LIN52: variants seen among roughly 807,000 people sequenced by gnomAD.
The protein encoded by LIN52 is lin-52 DREAM MuvB core complex component, also known as protein lin-52 homolog.
Under a neutral mutation model 18.5 loss-of-function variants are expected in LIN52, and 4 were observed. The observed-to-expected ratio is 0.22, with a 90% CI of 0.11 to 0.49. The LOEUF (loss-of-function observed/expected upper bound fraction) is 0.49. Among genes scored for constraint, LIN52 ranks in the 20% least tolerant of loss-of-function variants. The pLI is 0.97. For missense variants in LIN52, 102 were observed against 139.5 expected, an observed-to-expected ratio of 0.73 and a Z score of 1.35; for synonymous variants, 34 against 45.5, an observed-to-expected ratio of 0.75 and a Z score of 1.02.
chr14:74,198,807 G>A, intron 5 of LIN52, 115 bp from the exon 6 acceptor site: 4 of 773,180 alleles, frequency 5.2e-6, no homozygotes, highest in Middle Eastern at 2.7e-4. Flanking sequence ...AATCTGTTGT[G>A]ATAGCAACTT....
intron 5 of LIN52, among the ~76,000 whole-genome samples, chr14:74,133,339 C>G (rs1029093388): frequency 3.3e-5 from 5 of 152,154 alleles, no homozygotes; most frequent in Non-Finnish European, 7.3e-5. Flanking sequence ...TTGTTAAAAG[C>G]CTTCTAGAAT....
intron 5 of LIN52, among the ~76,000 whole-genome samples, chr14:74,164,536 T>G (rs997549851): frequency 6.6e-6 from 1 of 152,146 alleles, no homozygotes; most frequent in African/African-American, 2.4e-5. Context: ...TCCGCCTGCT[T>G]CGGGCTCCCA....
intron 5 of LIN52, among the ~76,000 whole-genome samples, chr14:74,195,129 A>G (rs1354803820): frequency 6.6e-6 from 1 of 152,188 alleles, no homozygotes; most frequent in Non-Finnish European, 1.5e-5. Flanking sequence ...CTGGGCAACA[A>G]GAGCGAGACT....
At chr14:74,089,925 G>A (rs1438555286) in intron 1 of LIN52, among the ~76,000 whole-genome samples, 3 of 152,136 alleles carry the variant, frequency 2.0e-5, no homozygotes, top group Non-Finnish European at 4.4e-5. Context: ...TAGGAGTCAG[G>A]GCGAGCACTT....
At chr14:74,149,077 G>T (rs1168311599) in intron 5 of LIN52, among the ~76,000 whole-genome samples, 1 of 152,178 alleles carries the variant, frequency 6.6e-6, no homozygotes, top group Non-Finnish European at 1.5e-5. Context: ...GTGACAGGCG[G>T]TGATGATTTC....
intron 5 of LIN52, among the ~76,000 whole-genome samples, chr14:74,135,975 T>A (rs1038083255): frequency 6.6e-6 from 1 of 152,240 alleles, no homozygotes; most frequent in Non-Finnish European, 1.5e-5. Flanking sequence ...ACTATTGAGA[T>A]AGTTTTCTCC....
chr14:74,164,459 A>AT (rs1226663860), intron 5 of LIN52, among the ~76,000 whole-genome samples: 1 of 149,424 alleles, frequency 6.7e-6, no homozygotes, highest in Non-Finnish European at 1.5e-5. Flanking sequence ...TAATTTTTAT[A>AT]TTTTTTGGTA....
At chr14:74,098,788 T>C (rs1378970440) in intron 4 of LIN52, among the ~76,000 whole-genome samples, 2 of 152,104 alleles carry the variant, frequency 1.3e-5, no homozygotes, top group African/African-American at 4.8e-5. Context: ...CCTCCAGTGA[T>C]CCACCCACCT....
intron 5 of LIN52, among the ~76,000 whole-genome samples, chr14:74,164,402 A>G (rs1206840272): frequency 6.6e-6 from 1 of 151,626 alleles, no homozygotes; most frequent in African/African-American, 2.4e-5. Context: ...CTCCCATCTC[A>G]GCCTCCTGAG....
At chr14:74,123,114 G>T (rs2061009113) in intron 5 of LIN52, among the ~76,000 whole-genome samples, 1 of 152,176 alleles carries the variant, frequency 6.6e-6, no homozygotes, top group Admixed American at 6.5e-5. Context: ...CAGCATATGA[G>T]AAATTTTAAG....
At chr14:74,095,149 GTTTTTTTTTTT>G (rs35455851) in intron 2 of LIN52, among the ~76,000 whole-genome samples, 4 of 103,734 alleles carry the variant, frequency 3.9e-5, no homozygotes, top group Non-Finnish European at 7.5e-5. Flanking sequence ...CCAACTAACT[GTTTTTTTTTTT>G]TTTTTTTTTG....
At chr14:74,179,655 CAAAAAAAA>C (rs66652238) in intron 5 of LIN52, among the ~76,000 whole-genome samples, 1 of 120,402 alleles carries the variant, frequency 8.3e-6, no homozygotes. Context: ...GACTCCATCT[CAAAAAAAA>C]AAAAAAGAAA....
chr14:74,112,455 A>G (rs767372383), intron 5 of LIN52, among the ~76,000 whole-genome samples: 16 of 152,010 alleles, frequency 1.1e-4, no homozygotes, highest in Non-Finnish European at 2.1e-4. Context: ...TGGTTAATTC[A>G]ATAGTTTTTA....
chr14:74,137,493 G>GCTCT (rs778315773), intron 5 of LIN52, among the ~76,000 whole-genome samples: 2 of 89,478 alleles, frequency 2.2e-5, no homozygotes, highest in South Asian at 5.2e-4. Flanking sequence ...CTTCACAGCA[G>GCTCT]CTCTCTTTTT....
At chr14:74,179,709 T>G (rs903789062) in intron 5 of LIN52, among the ~76,000 whole-genome samples, 2 of 151,918 alleles carry the variant, frequency 1.3e-5, no homozygotes, top group Admixed American at 6.6e-5. Context: ...CGGCTAAATG[T>G]TCTCATTTTT....
Position 74,199,140 on chromosome 14 carries a change from C to G in LIN52, c.*163C>G. Reference sequence around the variant, plus strand: ...GGCACTCTACACGTCTGAGGACATTCAGCAGCAAGAGAAGAATCTGCTCTA... The same window carrying G: ...GGCACTCTACACGTCTGAGGACATTGAGCAGCAAGAGAAGAATCTGCTCTA... On this transcript the variant is annotated 3_prime_UTR_variant, in exon 6 of 6. Coordinates refer to ENST00000555028, the MANE Select transcript of LIN52 (RefSeq NM_001024674.3). 1 of 546,874 alleles carries G rather than the reference C, an allele frequency of 1.8e-6. No individual in the cohort carries two copies. Among genetic ancestry groups the G allele is most frequent in the South Asian group, 2.7e-5 (1 of 37,596 alleles). The allele number at this position is 546,874 out of a possible 1,614,324, so 33.9% of individuals were successfully genotyped here. A position where few individuals can be genotyped will look rare whatever the true frequency, so the allele number is the denominator to read the frequency against.
At chr14:74,147,473 C>A (rs1403818634) in intron 5 of LIN52, among the ~76,000 whole-genome samples, 1 of 152,102 alleles carries the variant, frequency 6.6e-6, no homozygotes, top group Non-Finnish European at 1.5e-5. Context: ...CACTTCTGTG[C>A]TTCAAAGACA....
At chr14:74,090,638 G>T (rs1162341812) in intron 1 of LIN52, among the ~76,000 whole-genome samples, 1 of 151,242 alleles carries the variant, frequency 6.6e-6, no homozygotes, top group African/African-American at 2.4e-5. Flanking sequence ...TCCGGCTGGG[G>T]TTTTTTTTTG....
chr14:74,096,043 C>G (rs999818770), intron 3 of LIN52, 58 bp downstream of exon 3: 32 of 1,132,262 alleles, frequency 2.8e-5, no homozygotes, highest in African/African-American at 4.8e-5. Context: ...TGAGTAAAAG[C>G]TCAGATCTCT....
Sources: gnomAD v4.1 joint callset for allele counts (sites outside exome capture counted in the v4.1 genomes callset) on GRCh38, gnomAD v4.1.1 for gene constraint, MANE v1.5 for transcripts, NCBI Gene and HGNC (gene_info 2026-07-23, HGNC 2026-07-21) for gene names.